The following KHDRBS3 variants were observed in gnomAD, a reference collection of about 807,000 sequenced individuals.
KHDRBS3 encodes KH RNA binding domain containing, signal transduction associated 3.
A neutral mutation model predicts 45.6 loss-of-function variants in KHDRBS3; 23 were observed. The observed-to-expected ratio is 0.50, with a 90% CI of 0.36 to 0.72. The LOEUF (loss-of-function observed/expected upper bound fraction) is 0.72, where lower values mean the gene tolerates loss of function less well. KHDRBS3 is among the 30% of genes least tolerant of loss of function. The pLI is 0.00. For missense variants in KHDRBS3, 352 were observed against 424.8 expected (o/e 0.83, Z 1.51); for synonymous variants, 162 against 156.5 (o/e 1.04, Z -0.26).
At chr8:135,550,252 C>T (rs573958381) in intron 4 of KHDRBS3, among the ~76,000 whole-genome samples, 1 of 152,270 alleles carries the variant, frequency 6.6e-6, no homozygotes, top group South Asian at 2.1e-4. Flanking sequence ...CCCTTACGAT[C>T]CTTCCCCAGA....
chr8:135,570,693 G>T (rs1280584664), intron 5 of KHDRBS3, among the ~76,000 whole-genome samples: 1 of 151,958 alleles, frequency 6.6e-6, no homozygotes, highest in Non-Finnish European at 1.5e-5. Flanking sequence ...TTCCAACTCT[G>T]TGCCTACTGG....
At chr8:135,558,536 G>C (rs1827006393) in intron 5 of KHDRBS3, among the ~76,000 whole-genome samples, 1 of 152,152 alleles carries the variant, frequency 6.6e-6, no homozygotes, top group Admixed American at 6.5e-5. Context: ...AGCAATGTCA[G>C]AGCAGTTATG....
chr8:135,592,458 G>A (rs954513504), intron 6 of KHDRBS3, among the ~76,000 whole-genome samples: 1 of 152,146 alleles, frequency 6.6e-6, no homozygotes, highest in African/African-American at 2.4e-5. Context: ...TAGGGCTGAG[G>A]CAGGGAAAGG....
chr8:135,528,367 C>T (rs1347206697), intron 2 of KHDRBS3, among the ~76,000 whole-genome samples: 2 of 152,056 alleles, frequency 1.3e-5, no homozygotes, highest in African/African-American at 2.4e-5. Context: ...TAAATTACTA[C>T]TTGGTAGAAG....
intron 2 of KHDRBS3, among the ~76,000 whole-genome samples, chr8:135,522,636 G>T (rs985334526): frequency 9.9e-5 from 15 of 152,104 alleles, no homozygotes; most frequent in Non-Finnish European, 1.9e-4. Context: ...GTATGAAGTT[G>T]CATTTACCTT....
chr8:135,626,201 A>T (rs981844124), intron 7 of KHDRBS3, among the ~76,000 whole-genome samples: 2 of 152,140 alleles, frequency 1.3e-5, no homozygotes, highest in African/African-American at 4.8e-5. Flanking sequence ...CCTATGAAAG[A>T]TTTTTTTTAA....
intron 6 of KHDRBS3, among the ~76,000 whole-genome samples, chr8:135,592,863 T>C (rs1828811360): frequency 6.6e-6 from 1 of 152,022 alleles, no homozygotes; most frequent in Non-Finnish European, 1.5e-5. Flanking sequence ...TGGAAGTTTG[T>C]TATGTAGATT....
intron 5 of KHDRBS3, among the ~76,000 whole-genome samples, chr8:135,568,116 G>A (rs1279961890): frequency 2.0e-5 from 3 of 152,080 alleles, no homozygotes; most frequent in Admixed American, 6.6e-5. Context: ...GCTGCTTCCC[G>A]TCTTCCGCTT....
chr8:135,592,307 GAAAGCTCTA>G (rs1017742647), intron 6 of KHDRBS3, among the ~76,000 whole-genome samples: 10 of 151,884 alleles, frequency 6.6e-5, no homozygotes, highest in Non-Finnish European at 1.5e-4. Flanking sequence ...CAAGGAAGTG[GAAAGCTCTA>G]AAATGAAAAT....
chr8:135,608,856 GAC>G (rs1426077328), intron 7 of KHDRBS3, among the ~76,000 whole-genome samples: 1 of 152,148 alleles, frequency 6.6e-6, no homozygotes, highest in African/African-American at 2.4e-5. Flanking sequence ...GCAGGCAGTG[GAC>G]ACACAATGGT....
intron 1 of KHDRBS3, among the ~76,000 whole-genome samples, chr8:135,520,764 A>G (rs1824865690): frequency 6.6e-6 from 1 of 152,172 alleles, no homozygotes; most frequent in Non-Finnish European, 1.5e-5. Context: ...GGAAGATTTG[A>G]TTGGGGAGGT....
At chr8:135,591,540 G>C (rs1828743311) in intron 6 of KHDRBS3, among the ~76,000 whole-genome samples, 1 of 152,174 alleles carries the variant, frequency 6.6e-6, no homozygotes, top group Non-Finnish European at 1.5e-5. Flanking sequence ...GATGAAAGTT[G>C]TCTTGAAGAA....
intron 2 of KHDRBS3, chr8:135,540,190 C>G (rs944178911): frequency 6.6e-6 from 1 of 152,004 alleles, no homozygotes; most frequent in Non-Finnish European, 1.5e-5. Context: ...GAGAGTGGGA[C>G]AACAATAGGC....
intron 1 of KHDRBS3, among the ~76,000 whole-genome samples, chr8:135,480,797 A>G (rs1255385269): frequency 2.0e-5 from 3 of 152,198 alleles, no homozygotes; most frequent in Non-Finnish European, 4.4e-5. Flanking sequence ...TTAAGTCGTC[A>G]GAAAGTTGTG....
intron 1 of KHDRBS3, among the ~76,000 whole-genome samples, chr8:135,470,407 A>G (rs1421484789): frequency 6.6e-6 from 1 of 151,938 alleles, no homozygotes; most frequent in Non-Finnish European, 1.5e-5. Flanking sequence ...CGTTTGGTGT[A>G]CCACCCATTC....
chr8:135,490,285 G>A (rs1291307234), intron 1 of KHDRBS3, among the ~76,000 whole-genome samples: 1 of 152,102 alleles, frequency 6.6e-6, no homozygotes, highest in Non-Finnish European at 1.5e-5. Flanking sequence ...CCTCTCTAGT[G>A]GCTTTTAGAA....
At chr8:135,604,316 A>AC (rs71298253) in intron 6 of KHDRBS3, among the ~76,000 whole-genome samples, 131,757 of 151,896 alleles carry the variant, frequency 0.87, 57,247 homozygotes, top group East Asian at 1. Context: ...TTATGTTTGA[A>AC]CTAAAGTGTG....
At chr8:135,636,056 T>A (rs554684960) in intron 7 of KHDRBS3, among the ~76,000 whole-genome samples, 1 of 152,286 alleles carries the variant, frequency 6.6e-6, no homozygotes, top group East Asian at 1.9e-4. Context: ...AGTGACAGGC[T>A]CACTTTATTC....
At chr8:135,494,232 T>C (rs887864792) in intron 1 of KHDRBS3, among the ~76,000 whole-genome samples, 6 of 151,622 alleles carry the variant, frequency 4.0e-5, no homozygotes, top group Non-Finnish European at 7.4e-5. Flanking sequence ...TTGTAATTTC[T>C]TTGGTATCTT....
Sources: allele counts gnomAD v4.1 joint callset (sites outside exome capture counted in the v4.1 genomes callset), GRCh38; gene constraint gnomAD v4.1.1; transcripts MANE v1.5; gene names NCBI Gene and HGNC (gene_info 2026-07-23, HGNC 2026-07-21).